Variants in ANKFN1 observed in about 807,000 individuals in gnomAD.
ANKFN1 encodes ankyrin repeat and fibronectin type-III domain-containing protein 1.
ANKFN1 carries 74 observed loss-of-function variants against 108.7 expected under a neutral mutation model. The observed-to-expected ratio is 0.68, with a 90% CI of 0.56 to 0.83. ANKFN1 has a LOEUF of 0.83. Among genes scored for constraint, ANKFN1 ranks in the 40% least tolerant of loss-of-function variants. The pLI is 0.00. For missense variants in ANKFN1, 1,505 were observed against 1,382.3 expected (o/e 1.09, Z -1.41); for synonymous variants, 547 against 516.2 (o/e 1.06, Z -0.81).
chr17:56,141,146 C>T (rs1907894098), intron 4 of ANKFN1, among the ~76,000 whole-genome samples: 1 of 152,190 alleles, frequency 6.6e-6, no homozygotes, highest in South Asian at 2.1e-4. Flanking sequence ...GTGTGTGCTA[C>T]AATCCACCTC....
At position 56,511,223 on chromosome 17, in the gene ANKFN1, G is replaced by T. The variant is rs2051760057; in HGVS notation, c.3395G>T (p.Gly1132Val). 3 of 1,532,968 alleles carry T rather than the reference G, an allele frequency of 2.0e-6. No individual in the cohort carries two copies. Among genetic ancestry groups the T allele is most frequent in the Non-Finnish European group, 1.7e-6 (2 of 1,144,782 alleles). The allele number at this position is 1,532,968 out of a possible 1,614,324, so 95.0% of individuals were successfully genotyped here. ...ACTGGCCCCGATGTGAGTCAGGAGG[G>T]CCCCACCGCCTCTCCCATGTCAGAA... is the stretch of plus-strand genomic sequence containing the variant. ...SPTGPDVSQE[G>V]PTASPMSEIL... The change falls in exon 21 of 21, where the codon GGC (glycine) becomes GTC (valine). Residue 1132 changes from glycine to valine, a missense_variant. By Grantham distance (109) the Gly-to-Val change is moderately radical. Coordinates refer to ENST00000682825, the MANE Select transcript of ANKFN1 (RefSeq NM_001370326.1).
Position 56,281,014 on chromosome 17 carries a change from A to C in ANKFN1, c.54-45207A>C, listed in dbSNP as rs149626597. ...CTTCTCTTGTCTGCCACCGTGTGAG[A>C]TGGGCCTTTCACCTTCTGCCATGAT... On this transcript the variant is annotated intron_variant, in intron 3 of 20. Coordinates refer to ENST00000682825, the MANE Select transcript of ANKFN1 (RefSeq NM_001370326.1). Among the ~76,000 whole-genome samples the C allele has an allele frequency of 6.4e-3, 968 of 151,622 alleles. 10 individuals are homozygous for C. The highest frequency in any genetic ancestry group is 0.022 in the African/African-American group (917 of 41,352).
intron 4 of ANKFN1, among the ~76,000 whole-genome samples, chr17:56,109,091 A>T (rs1458249186): frequency 6.6e-6 from 1 of 152,196 alleles, no homozygotes; most frequent in African/African-American, 2.4e-5. Context: ...AACTTGCTTG[A>T]CATCTCTGAG....
At chr17:56,422,449 GCACACACATGCACA>G (rs2048437433) in intron 8 of ANKFN1, among the ~76,000 whole-genome samples, 1 of 150,884 alleles carries the variant, frequency 6.6e-6, no homozygotes, top group Non-Finnish European at 1.5e-5. Context: ...ACACATGCAT[GCACACACATGCACA>G]CACACACGCA....
At chr17:56,274,885 A>G (rs1404467797) in intron 3 of ANKFN1, among the ~76,000 whole-genome samples, 1 of 152,216 alleles carries the variant, frequency 6.6e-6, no homozygotes, top group Non-Finnish European at 1.5e-5. Flanking sequence ...AGGCAGGTTG[A>G]GTTCAAATCT....
chr17:56,085,497 C>T (rs894343430), intron 4 of ANKFN1, among the ~76,000 whole-genome samples: 1 of 151,048 alleles, frequency 6.6e-6, no homozygotes, highest in Non-Finnish European at 1.5e-5. Context: ...GAGTATGGCC[C>T]TACCAATACC....
chr17:56,076,285 C>T (rs932276354), intron 4 of ANKFN1, among the ~76,000 whole-genome samples: 1 of 152,124 alleles, frequency 6.6e-6, no homozygotes, highest in African/African-American at 2.4e-5. Context: ...TGCTACTATA[C>T]CAGAGATGGG....
intron 3 of ANKFN1, among the ~76,000 whole-genome samples, chr17:56,252,681 G>A (rs748406733): frequency 5.4e-5 from 8 of 149,504 alleles, no homozygotes; most frequent in Non-Finnish European, 1.0e-4. Context: ...AGGAGAGTGA[G>A]GTGGGGGGAT....
At position 56,090,111 on chromosome 17, in the gene ANKFN1, A is replaced by T. The variant is rs192426276; in HGVS notation, c.288+43786A>T. On this transcript the variant is annotated intron_variant, in intron 4 of 12. Transcript: ENST00000635860. Reference sequence around the variant, plus strand: ...GTTGTAGGAAAATGTGTGGAGAAAGATGTTAAGCATGACGAGGTGGGAGTG... The same window carrying T: ...GTTGTAGGAAAATGTGTGGAGAAAGTTGTTAAGCATGACGAGGTGGGAGTG... Among the ~76,000 whole-genome samples, 9 of 151,400 alleles carry T rather than the reference A, an allele frequency of 5.9e-5. No individual in the cohort carries two copies. In the East Asian group the frequency reaches 1.7e-3, roughly 29 times the overall value.
In ANKFN1 at chr17:56,510,723, A is replaced by G. The variant is rs1323695754; in HGVS notation, c.2895A>G (p.Ser965=). 9 of 1,536,076 alleles carry G rather than the reference A, an allele frequency of 5.9e-6. No homozygotes were observed. The highest frequency in any genetic ancestry group is 1.7e-4 in the Middle Eastern group (1 of 5,990). Residue 965 remains serine, a synonymous_variant, in exon 21 of 21, where the codon TCA becomes TCG. Coordinates refer to ENST00000682825, the MANE Select transcript of ANKFN1 (RefSeq NM_001370326.1). The part of the protein sequence containing the change: ...PQGEGPNPDH[S]CAEFLHSLTL... ...GCGAGGGCCCAAATCCCGATCACTC[A>G]TGTGCCGAGTTTCTCCATAGCCTGA...
rs192044673 is a variant in ANKFN1, at chr17:56,094,993, G to T, written c.288+48668G>T. 6.8e-4 allele frequency among the ~76,000 whole-genome samples: 103 copies of T among 151,146 alleles called. 7 individuals are homozygous for T. The highest frequency in any genetic ancestry group is 2.4e-3 in the African/African-American group (99 of 41,230). On this transcript the variant is annotated intron_variant, in intron 4 of 12. Coordinates refer to the ANKFN1 transcript ENST00000635860. ...GGGTTAATTACAAATAGCAGTAAGG[G>T]TTAAATTGTGCTCCAAGTCCCAAGT...
intron 4 of ANKFN1, among the ~76,000 whole-genome samples, chr17:56,148,467 C>T (rs1908398892): frequency 6.6e-6 from 1 of 152,184 alleles, no homozygotes; most frequent in Non-Finnish European, 1.5e-5. Context: ...TCACATGTTT[C>T]CGCTCTGCCA....
chr17:56,464,349 G>A (rs72835507), intron 14 of ANKFN1, among the ~76,000 whole-genome samples: 17 of 152,198 alleles, frequency 1.1e-4, no homozygotes, highest in East Asian at 1.9e-4. Context: ...ATTTTCCGGC[G>A]TCTTAATGAT....
At chr17:56,179,126 C>T (rs890453915) in intron 1 of ANKFN1, among the ~76,000 whole-genome samples, 1 of 152,130 alleles carries the variant, frequency 6.6e-6, no homozygotes, top group Non-Finnish European at 1.5e-5. Flanking sequence ...ATTCACCCTC[C>T]TCTGCAAATC....
At chr17:56,048,738 A>G (rs1904722813) in intron 4 of ANKFN1, among the ~76,000 whole-genome samples, 1 of 152,236 alleles carries the variant, frequency 6.6e-6, no homozygotes, top group Non-Finnish European at 1.5e-5. Context: ...CCTGAAAATC[A>G]TGAGCCAGGG....
rs143058642 is a variant in ANKFN1, at chr17:56,380,426, A to G, written c.910+5712A>G. Among the ~76,000 whole-genome samples, 834 of 152,332 alleles carry G rather than the reference A, an allele frequency of 5.5e-3. 5 individuals carry two copies. Among genetic ancestry groups the G allele is most frequent in the African/African-American group, 0.019 (784 of 41,572 alleles). ...TTCATCTCACTAGGGAGTGCCAGACAGTGGGCGCAGGACAGTGGGTGCAGT... is the reference window on the plus strand; with the variant it reads ...TTCATCTCACTAGGGAGTGCCAGACGGTGGGCGCAGGACAGTGGGTGCAGT... On this transcript the variant is annotated intron_variant, in intron 8 of 20. Transcript: ENST00000682825.
At chr17:56,136,521 G>T (rs1907608658) in intron 4 of ANKFN1, among the ~76,000 whole-genome samples, 1 of 152,198 alleles carries the variant, frequency 6.6e-6, no homozygotes, top group African/African-American at 2.4e-5. Context: ...CTGATCAACA[G>T]AGTGGAAACA....
chr17:56,353,911 C>A lies in ANKFN1; in HGVS notation c.466C>A (p.Gln156Lys). ...GGATGCTGTGCAGATCCTCCTGTATCAGTACACACCAGAAGAACTTGACCT... is the reference window on the plus strand; with the variant it reads ...GGATGCTGTGCAGATCCTCCTGTATAAGTACACACCAGAAGAACTTGACCT... ...DMDAVQILLY[Q>K]YTPEELDLNT... The change falls in exon 6 of 21, where the codon CAG becomes AAG. Residue 156 changes from glutamine (Q) to lysine (K), a missense_variant. Coordinates refer to ENST00000682825, the MANE Select transcript of ANKFN1 (RefSeq NM_001370326.1). 1 of 1,613,998 alleles carries A rather than the reference C, an allele frequency of 6.2e-7. No homozygotes were observed. Among genetic ancestry groups the A allele is most frequent in the Non-Finnish European group, 8.5e-7 (1 of 1,179,960 alleles).
chr17:56,061,172 G>A (rs991572416), intron 4 of ANKFN1, among the ~76,000 whole-genome samples: 1 of 151,176 alleles, frequency 6.6e-6, no homozygotes, highest in African/African-American at 2.4e-5. Context: ...GAGGGTGTAT[G>A]TGTCCAGGAA....
Sources: allele counts gnomAD v4.1 joint callset (sites outside exome capture counted in the v4.1 genomes callset), GRCh38; gene constraint gnomAD v4.1.1; transcripts MANE v1.5; gene names NCBI Gene and HGNC (gene_info 2026-07-23, HGNC 2026-07-21).